SCGB2B2: variants seen among roughly 807,000 people sequenced by gnomAD.
SCGB2B2 encodes secretoglobin family 2B member 2.
Under a neutral mutation model 7.6 loss-of-function variants are expected in SCGB2B2, and 11 were observed. The ratio of observed to expected loss-of-function variants is 1.45; its 90% CI spans 0.91 to 2.40. The LOEUF is 2.40. Among genes scored for constraint, SCGB2B2 ranks in the 30% most tolerant of loss-of-function variants. SCGB2B2 has a pLI of 0.00. For synonymous variants in SCGB2B2, 50 were observed against 48.6 expected, an observed-to-expected ratio of 1.03 and a Z score of -0.12; for missense variants, 104 against 115.4, an observed-to-expected ratio of 0.90 and a Z score of 0.45.
At chr19:34,615,776 T>C (rs574426500) in intron 1 of SCGB2B2, among the ~76,000 whole-genome samples, 1 of 151,956 alleles carries the variant, frequency 6.6e-6, no homozygotes, top group African/African-American at 2.4e-5. Context: ...ACATGTGCCA[T>C]GCTGGTGTGC....
chr19:34,626,949 A>G lies in SCGB2B2; in HGVS notation c.-2031-30355T>C, dbSNP rs183126682. Among the ~76,000 whole-genome samples the G allele has an allele frequency of 1.1e-3, 161 of 152,354 alleles. No individual in the cohort carries two copies. In the East Asian group the frequency reaches 0.023, roughly 22 times the overall value. On this transcript the variant is annotated intron_variant, in intron 1 of 3. Transcript: ENST00000601241. ...ACATGCCAAAAGAGAGTGGGGGCCAATATTCAACATTCCTAAAGAAAAGAA... is the reference window on the plus strand; with the variant it reads ...ACATGCCAAAAGAGAGTGGGGGCCAGTATTCAACATTCCTAAAGAAAAGAA...
intron 1 of SCGB2B2, among the ~76,000 whole-genome samples, chr19:34,612,018 A>ATTTTTTTTTTTTT (rs1568431496): frequency 2.5e-5 from 2 of 78,674 alleles, no homozygotes; most frequent in South Asian, 3.8e-4. Context: ...TGTTTTAGAA[A>ATTTTTTTTTTTTT]ATTCTTTTTT....
chr19:34,598,275 C>T (rs1175342189), intron 1 of SCGB2B2, among the ~76,000 whole-genome samples: 1 of 152,180 alleles, frequency 6.6e-6, no homozygotes, highest in Non-Finnish European at 1.5e-5. Flanking sequence ...GCACACTGGG[C>T]TGCAGCAGAG....
chr19:34,634,283 G>T (rs930802115), intron 1 of SCGB2B2, among the ~76,000 whole-genome samples: 3 of 152,178 alleles, frequency 2.0e-5, no homozygotes, highest in African/African-American at 7.2e-5. Context: ...GCCCACTCAT[G>T]ATTTCCTCCA....
chr19:34,611,249 T>C (rs375190185), intron 1 of SCGB2B2, among the ~76,000 whole-genome samples: 2 of 152,198 alleles, frequency 1.3e-5, no homozygotes, highest in South Asian at 4.1e-4. Flanking sequence ...CTGTTGATTA[T>C]TTTTATCTTT....
intron 1 of SCGB2B2, among the ~76,000 whole-genome samples, chr19:34,597,637 C>T (rs1454559333): frequency 6.6e-6 from 1 of 152,234 alleles, no homozygotes; most frequent in Admixed American, 6.5e-5. Flanking sequence ...GCAGCAGATG[C>T]AGCCAGCCAG....
At chr19:34,626,157 A>G (rs1056526388) in intron 1 of SCGB2B2, among the ~76,000 whole-genome samples, 3 of 151,998 alleles carry the variant, frequency 2.0e-5, no homozygotes, top group Admixed American at 6.6e-5. Context: ...AAAGATGGGG[A>G]AAAAACAGAG....
chr19:34,661,133 G>C (rs1186566396), intron 1 of SCGB2B2, among the ~76,000 whole-genome samples: 1 of 151,278 alleles, frequency 6.6e-6, no homozygotes, highest in Non-Finnish European at 1.5e-5. Flanking sequence ...GGGGGTGGGG[G>C]GCTGGGGTAG....
At chr19:34,634,990 T>C (rs943157444) in intron 1 of SCGB2B2, 6 of 285,012 alleles carry the variant, frequency 2.1e-5, no homozygotes, top group Non-Finnish European at 7.3e-6. Context: ...GCTAAAAACC[T>C]TCCCACATTC....
intron 1 of SCGB2B2, among the ~76,000 whole-genome samples, chr19:34,600,988 C>T (rs1042450145): frequency 6.6e-6 from 1 of 151,372 alleles, no homozygotes; most frequent in African/African-American, 2.4e-5. Context: ...TAAAGATATT[C>T]TTTTACATAA....
intron 1 of SCGB2B2, among the ~76,000 whole-genome samples, chr19:34,666,933 C>T (rs1024890449): frequency 2.0e-5 from 3 of 152,014 alleles, no homozygotes; most frequent in East Asian, 1.9e-4. Context: ...AGTTTCTGAC[C>T]GAGGACAAGG....
intron 1 of SCGB2B2, among the ~76,000 whole-genome samples, chr19:34,624,429 C>T (rs2066315313): frequency 6.6e-6 from 1 of 152,090 alleles, no homozygotes. Context: ...TTGAAATCCC[C>T]CCATCTCAAG....
At chr19:34,633,882 C>G (rs1408730694) in intron 1 of SCGB2B2, among the ~76,000 whole-genome samples, 1 of 152,174 alleles carries the variant, frequency 6.6e-6, no homozygotes, top group Non-Finnish European at 1.5e-5. Flanking sequence ...CATAACTATT[C>G]TCATTCTTTG....
intron 1 of SCGB2B2, among the ~76,000 whole-genome samples, chr19:34,649,536 T>C (rs1179450818): frequency 6.6e-6 from 1 of 152,182 alleles, no homozygotes; most frequent in Admixed American, 6.5e-5. Flanking sequence ...CTTTTTGCAA[T>C]AACTATTTGG....
intron 1 of SCGB2B2, among the ~76,000 whole-genome samples, chr19:34,660,446 C>T (rs1044244391): frequency 6.6e-6 from 1 of 152,092 alleles, no homozygotes; most frequent in African/African-American, 2.4e-5. Context: ...AAGAAAAAAG[C>T]AAACAACCCC....
chr19:34,656,401 A>C (rs2146104579), intron 1 of SCGB2B2, among the ~76,000 whole-genome samples: 1 of 151,366 alleles, frequency 6.6e-6, no homozygotes, highest in South Asian at 2.1e-4. Context: ...CCAGGAGTTC[A>C]AGACCATGTT....
At chr19:34,619,549 A>C (rs2066183892) in intron 1 of SCGB2B2, among the ~76,000 whole-genome samples, 2 of 152,200 alleles carry the variant, frequency 1.3e-5, no homozygotes, top group South Asian at 4.1e-4. Context: ...AATTTTTATG[A>C]GATGTAGAAT....
intron 1 of SCGB2B2, among the ~76,000 whole-genome samples, chr19:34,667,629 C>G (rs2067671378): frequency 6.6e-6 from 1 of 152,202 alleles, no homozygotes; most frequent in Admixed American, 6.5e-5. Context: ...GGCCTGCTCC[C>G]GGTTTGGAGT....
chr19:34,618,796 G>C (rs1030607214), intron 1 of SCGB2B2, among the ~76,000 whole-genome samples: 1 of 152,204 alleles, frequency 6.6e-6, no homozygotes, highest in Non-Finnish European at 1.5e-5. Context: ...TGGTAAACAA[G>C]CAATTTTAAC....
Sources: allele counts gnomAD v4.1 joint callset (sites outside exome capture counted in the v4.1 genomes callset), GRCh38; gene constraint gnomAD v4.1.1; transcripts MANE v1.5; gene names NCBI Gene and HGNC (gene_info 2026-07-23, HGNC 2026-07-21).